PPP2R2D: variants seen among roughly 807,000 people sequenced by gnomAD.
The protein encoded by PPP2R2D is serine/threonine-protein phosphatase 2A 55 kDa regulatory subunit B delta isoform.
Under a neutral mutation model 31.1 loss-of-function variants are expected in PPP2R2D, and 9 were observed. That is an observed-to-expected ratio of 0.29 (90% CI 0.17 to 0.51). The LOEUF is 0.51. Among genes scored for constraint, PPP2R2D ranks in the 20% least tolerant of loss-of-function variants. PPP2R2D has a pLI of 0.98. For missense variants in PPP2R2D, 391 were observed against 465.6 expected (o/e 0.84, Z 1.48); for synonymous variants, 179 against 172.6 (o/e 1.04, Z -0.29).
At chr10:131,970,710 A>G in the PPP2R2D span, 1 of 1,614,228 alleles carries the variant, frequency 6.2e-7, no homozygotes, top group African/African-American at 1.3e-5. This position sits in a 1 kb window ranked among gnomAD's most constrained non-coding sequence, Gnocchi z 4.1. Flanking sequence ...TGCAGAGAAT[A>G]TGCCCCCTTT....
the PPP2R2D span, chr10:131,970,748 G>A: frequency 6.2e-7 from 1 of 1,614,236 alleles, no homozygotes; most frequent in Non-Finnish European, 8.5e-7. The surrounding 1 kb of genome is among the most constrained non-coding windows in gnomAD (Gnocchi z 4.1). Flanking sequence ...TCCTCATGCT[G>A]AGGGTGGCCG....
chr10:131,933,689 G>C (rs1340026576), intron 2 of PPP2R2D, among the ~76,000 whole-genome samples: 1 of 152,116 alleles, frequency 6.6e-6, no homozygotes, highest in Non-Finnish European at 1.5e-5. Flanking sequence ...CCAAGTCACA[G>C]ACCTGGGATT....
intron 2 of PPP2R2D, among the ~76,000 whole-genome samples, chr10:131,901,726 G>C (rs2035501170): frequency 2.6e-5 from 4 of 152,176 alleles, no homozygotes. Context: ...CGTGCGCTCG[G>C]GCAGCGCGGC....
At chr10:131,940,374 C>T (rs1589952123) in intron 4 of PPP2R2D, among the ~76,000 whole-genome samples, 178 bp downstream of exon 4, 1 of 152,012 alleles carries the variant, frequency 6.6e-6, no homozygotes, top group African/African-American at 2.4e-5. Context: ...AAAAACCACA[C>T]GTGCACTTTA....
chr10:131,910,433 C>A (rs1242243373), intron 2 of PPP2R2D, among the ~76,000 whole-genome samples: 1 of 152,160 alleles, frequency 6.6e-6, no homozygotes, highest in Non-Finnish European at 1.5e-5. Context: ...TTCCAAAATT[C>A]TAATTTTCTC....
intron 2 of PPP2R2D, among the ~76,000 whole-genome samples, chr10:131,930,115 T>C (rs1020912414): frequency 6.6e-6 from 1 of 152,262 alleles, no homozygotes; most frequent in Non-Finnish European, 1.5e-5. Context: ...CAGGTAAATA[T>C]TGTGTATTAC....
intron 8 of PPP2R2D, among the ~76,000 whole-genome samples, chr10:131,953,047 A>G (rs1463503570): frequency 1.1e-5 from 1 of 93,672 alleles, no homozygotes; most frequent in African/African-American, 4.5e-5. Flanking sequence ...AGGGGGTTTC[A>G]CTGTCTTAGC....
In PPP2R2D at chr10:131,945,194, C is replaced by A; in HGVS notation, c.656-101C>A. The A allele has an allele frequency of 7.3e-7, 1 of 1,372,476 alleles. No homozygotes were observed. The highest frequency in any genetic ancestry group is 1.0e-6 in the Non-Finnish European group (1 of 1,002,056). 85.0% of individuals were successfully genotyped at this position (1,372,476 alleles called of 1,614,324 possible). A position where few individuals can be genotyped will look rare whatever the true frequency, so the allele number is the denominator to read the frequency against. ...CTTCTTAATAGCTAATCCCTTAAACCTCACTGCGTGGATTATTTGGCGTCC... is the reference window on the plus strand; with the variant it reads ...CTTCTTAATAGCTAATCCCTTAAACATCACTGCGTGGATTATTTGGCGTCC... On this transcript the variant is annotated intron_variant, in intron 6 of 8. Coordinates refer to ENST00000455566, the MANE Select transcript of PPP2R2D (RefSeq NM_018461.5). This position sits in a 1 kb window ranked among gnomAD's most constrained non-coding sequence, Gnocchi z 4.8.
chr10:131,950,858 CAA>C (rs1306885054), intron 8 of PPP2R2D, among the ~76,000 whole-genome samples: 2 of 152,128 alleles, frequency 1.3e-5, no homozygotes, highest in African/African-American at 4.8e-5. Context: ...GCTCTGGAAA[CAA>C]GGGCTTCTTT....
chr10:131,961,831 G>GTT (rs58049480), downstream of PPP2R2D, among the ~76,000 whole-genome samples: 71 of 147,712 alleles, frequency 4.8e-4, no homozygotes, highest in Admixed American at 5.4e-4. Flanking sequence ...GTCCTCCAGG[G>GTT]TTTTTTTTTT....
chr10:131,906,548 A>G (rs1013632608), intron 2 of PPP2R2D, among the ~76,000 whole-genome samples: 2 of 152,168 alleles, frequency 1.3e-5, no homozygotes. Flanking sequence ...GTACTTTGAA[A>G]GAAACATTTT....
chr10:131,943,339 A>G (rs2036474889), intron 5 of PPP2R2D, among the ~76,000 whole-genome samples: 2 of 152,158 alleles, frequency 1.3e-5, no homozygotes, highest in Non-Finnish European at 2.9e-5. Flanking sequence ...CCTCAAGTGA[A>G]GTGTAATATA....
chr10:131,933,537 C>T (rs1554896016), intron 2 of PPP2R2D, among the ~76,000 whole-genome samples: 2 of 152,108 alleles, frequency 1.3e-5, no homozygotes, highest in African/African-American at 2.4e-5. Flanking sequence ...CCCACTGTGG[C>T]CATAGGACAA....
chr10:131,938,084 C>T (rs1483289322), intron 3 of PPP2R2D, among the ~76,000 whole-genome samples: 3 of 148,284 alleles, frequency 2.0e-5, no homozygotes, highest in African/African-American at 7.5e-5. Context: ...CTCAGTGCAG[C>T]GACGCGGGGC....
At chr10:131,923,315 C>G (rs1554894485) in intron 2 of PPP2R2D, among the ~76,000 whole-genome samples, 1 of 152,176 alleles carries the variant, frequency 6.6e-6, no homozygotes, top group Non-Finnish European at 1.5e-5. Flanking sequence ...CGTCAGTCCT[C>G]CCTCCTTTCC....
chr10:131,906,133 CA>C (rs1314616925), intron 2 of PPP2R2D, among the ~76,000 whole-genome samples: 2 of 152,114 alleles, frequency 1.3e-5, no homozygotes, highest in African/African-American at 4.8e-5. Context: ...TGTCACTTTC[CA>C]CATGACTGCA....
intron 8 of PPP2R2D, among the ~76,000 whole-genome samples, chr10:131,954,053 T>C (rs1554899533): frequency 6.6e-6 from 1 of 152,150 alleles, no homozygotes; most frequent in African/African-American, 2.4e-5. Flanking sequence ...GGCAGCGCCT[T>C]CTTGTGTTCT....
At chr10:131,942,776 C>T (rs782481862) in intron 5 of PPP2R2D, among the ~76,000 whole-genome samples, 4 of 151,080 alleles carry the variant, frequency 2.6e-5, no homozygotes, top group African/African-American at 7.4e-5. Flanking sequence ...GTAAGTATTG[C>T]AGCTATCATA....
intron 2 of PPP2R2D, among the ~76,000 whole-genome samples, chr10:131,902,369 C>G (rs1188031416): frequency 9.2e-5 from 14 of 152,122 alleles, no homozygotes; most frequent in Non-Finnish European, 1.5e-5. Context: ...CCCCCCCAAC[C>G]CCGTGAACTT....
Sources: allele counts gnomAD v4.1 joint callset (sites outside exome capture counted in the v4.1 genomes callset), GRCh38; gene constraint gnomAD v4.1.1; non-coding constraint Gnocchi (gnomAD v3.1); transcripts MANE v1.5; gene names NCBI Gene and HGNC (gene_info 2026-07-23, HGNC 2026-07-21).